Variants in GPC5 observed in about 807,000 individuals in gnomAD.
GPC5 encodes the protein glypican 5.
In GPC5, 47 loss-of-function variants were observed where a neutral mutation model predicts 53.9. The ratio of observed to expected loss-of-function variants is 0.87; its 90% confidence interval spans 0.69 to 1.11. GPC5 has a LOEUF of 1.11. Ranked by LOEUF, GPC5 falls within the 50% of genes most tolerant of loss-of-function variation. The pLI, the probability that GPC5 is intolerant of heterozygous loss-of-function variation, is 0.00. For missense variants in GPC5, 748 were observed against 713.1 expected, an observed-to-expected ratio of 1.05 and a Z score of -0.56; for synonymous variants, 286 against 263.3, an observed-to-expected ratio of 1.09 and a Z score of -0.84.
At chr13:92,602,784 C>G (rs1390601619) in intron 7 of GPC5, among the ~76,000 whole-genome samples, 1 of 152,106 alleles carries the variant, frequency 6.6e-6, no homozygotes, top group African/African-American at 2.4e-5. Context: ...TTGGACCATA[C>G]TCAGACTTGA....
intron 7 of GPC5, among the ~76,000 whole-genome samples, chr13:92,284,375 C>T (rs2042938267): frequency 6.6e-6 from 1 of 152,176 alleles, no homozygotes; most frequent in Non-Finnish European, 1.5e-5. Flanking sequence ...AGGGAATCTT[C>T]CCTAACTCAT....
chr13:92,800,864 A>C (rs1876876421), intron 7 of GPC5, among the ~76,000 whole-genome samples: 1 of 151,780 alleles, frequency 6.6e-6, no homozygotes, highest in Non-Finnish European at 1.5e-5. Context: ...CCCTAAAATA[A>C]TATCGTTACT....
intron 2 of GPC5, among the ~76,000 whole-genome samples, chr13:91,504,948 C>T (rs2139310033): frequency 6.6e-6 from 1 of 152,194 alleles, no homozygotes; most frequent in East Asian, 1.9e-4. Context: ...GGGAGACTGT[C>T]TCTGTAAAAC....
At chr13:92,060,285 C>T (rs1361963242) in intron 6 of GPC5, among the ~76,000 whole-genome samples, 1 of 151,600 alleles carries the variant, frequency 6.6e-6, no homozygotes, top group African/African-American at 2.4e-5. Context: ...ATAGTAGATG[C>T]CTTTTGTATT....
At chr13:91,461,427 T>A (rs1042374351) in intron 2 of GPC5, among the ~76,000 whole-genome samples, 3 of 152,090 alleles carry the variant, frequency 2.0e-5, no homozygotes, top group Non-Finnish European at 4.4e-5. Flanking sequence ...TGGGTTTGGA[T>A]CTGGTCTCAA....
intron 7 of GPC5, among the ~76,000 whole-genome samples, chr13:92,193,886 C>T (rs766362147): frequency 4.6e-5 from 7 of 151,972 alleles, no homozygotes; most frequent in Non-Finnish European, 8.8e-5. Flanking sequence ...CAGGTAATTA[C>T]GTACTGCTAT....
intron 6 of GPC5, among the ~76,000 whole-genome samples, chr13:91,982,862 G>A (rs1252958920): frequency 6.6e-6 from 1 of 152,096 alleles, no homozygotes; most frequent in Non-Finnish European, 1.5e-5. Flanking sequence ...GCAACATAAG[G>A]AAGAGAAGAG....
chr13:91,876,164 C>G (rs944107777), intron 5 of GPC5, among the ~76,000 whole-genome samples: 1 of 152,144 alleles, frequency 6.6e-6, no homozygotes, highest in Non-Finnish European at 1.5e-5. Context: ...ACTGTAAGTC[C>G]ACTTAAACTT....
At chr13:92,482,335 C>T (rs1480550001) in intron 7 of GPC5, among the ~76,000 whole-genome samples, 2 of 152,202 alleles carry the variant, frequency 1.3e-5, no homozygotes, top group African/African-American at 4.8e-5. Context: ...TAATTCTCCT[C>T]CTAAAAGCTG....
At chr13:92,705,600 T>C (rs548135130) in intron 7 of GPC5, among the ~76,000 whole-genome samples, 1 of 152,278 alleles carries the variant, frequency 6.6e-6, no homozygotes, top group African/African-American at 2.4e-5. Flanking sequence ...AATAAATACA[T>C]AATGTCATAA....
At chr13:91,663,343 A>G (rs2035029788) in intron 2 of GPC5, among the ~76,000 whole-genome samples, 1 of 152,322 alleles carries the variant, frequency 6.6e-6, no homozygotes, top group Non-Finnish European at 1.5e-5. Context: ...TGTACATACC[A>G]ATATATGCTT....
At chr13:92,330,691 C>T (rs948922460) in intron 7 of GPC5, among the ~76,000 whole-genome samples, 1 of 152,048 alleles carries the variant, frequency 6.6e-6, no homozygotes, top group Non-Finnish European at 1.5e-5. Context: ...ATTTATCTTT[C>T]CTAAGAGTCT....
chr13:91,571,833 A>ACGTATACGTGTGTATATATATACACACG (rs760181408), intron 2 of GPC5, among the ~76,000 whole-genome samples: 1 of 87,214 alleles, frequency 1.1e-5, no homozygotes, highest in South Asian at 3.5e-4. Context: ...ATATATACAC[A>ACGTATACGTGTGTATATATATACACACG]TATACTTGTG....
At chr13:92,347,207 C>A (rs2043420486) in intron 7 of GPC5, among the ~76,000 whole-genome samples, 1 of 152,136 alleles carries the variant, frequency 6.6e-6, no homozygotes, top group Admixed American at 6.5e-5. Context: ...GAAGTCTTCA[C>A]TCAAATACAA....
intron 7 of GPC5, among the ~76,000 whole-genome samples, chr13:92,562,399 C>T (rs553189074): frequency 1.2e-4 from 18 of 152,178 alleles, no homozygotes; most frequent in South Asian, 4.1e-4. Flanking sequence ...TAGGCCCTCC[C>T]GCTCTACCAC....
intron 3 of GPC5, among the ~76,000 whole-genome samples, chr13:91,702,776 A>G (rs2036021058): frequency 6.6e-6 from 1 of 152,044 alleles, no homozygotes; most frequent in African/African-American, 2.4e-5. Flanking sequence ...GAACGTGGAC[A>G]TCATTCTATT....
chr13:92,261,133 T>C (rs970982243), intron 7 of GPC5, among the ~76,000 whole-genome samples: 1 of 152,172 alleles, frequency 6.6e-6, no homozygotes, highest in Non-Finnish European at 1.5e-5. Context: ...ATTACATATG[T>C]TTGAAATTAT....
chr13:91,919,018 A>G (rs778287223), intron 6 of GPC5, among the ~76,000 whole-genome samples: 2 of 152,164 alleles, frequency 1.3e-5, no homozygotes, highest in Non-Finnish European at 2.9e-5. Context: ...GTCAAAATCA[A>G]CATGGCCAGA....
intron 5 of GPC5, among the ~76,000 whole-genome samples, chr13:91,839,541 T>G (rs1198015901): frequency 6.6e-6 from 1 of 151,968 alleles, no homozygotes; most frequent in Non-Finnish European, 1.5e-5. Flanking sequence ...AATGTAATAT[T>G]TTATATGTAA....
Sources: allele counts gnomAD v4.1 joint callset (sites outside exome capture counted in the v4.1 genomes callset), GRCh38; gene constraint gnomAD v4.1.1; transcripts MANE v1.5; gene names NCBI Gene and HGNC (gene_info 2026-07-23, HGNC 2026-07-21).